The following CCDC102B variants were observed in gnomAD, a reference collection of about 807,000 sequenced individuals.
CCDC102B encodes the protein coiled-coil domain-containing protein 102B.
CCDC102B carries 75 observed loss-of-function variants against 57.4 expected under a neutral mutation model. That is an observed-to-expected ratio of 1.31 (90% confidence interval 1.08 to 1.58). The LOEUF is 1.58. CCDC102B is among the 40% of genes most tolerant of loss of function. The pLI is 0.00. For missense variants in CCDC102B, 636 were observed against 582.6 expected (o/e 1.09, Z -0.94); for synonymous variants, 206 against 201.9 (o/e 1.02, Z -0.17).
At chr18:68,867,820 G>C (rs910621879) in intron 4 of CCDC102B, among the ~76,000 whole-genome samples, 3 of 151,716 alleles carry the variant, frequency 2.0e-5, no homozygotes, top group African/African-American at 7.3e-5. Flanking sequence ...TGTAGTCCCA[G>C]CTACTCGACA....
rs1262341929 is a variant in CCDC102B, at chr18:68,782,976, G to T, written c.-66-40390G>T. On this transcript the variant is annotated intron_variant, in intron 2 of 3. Coordinates refer to the CCDC102B transcript ENST00000578970. Reference sequence around the variant, plus strand: ...TATTGTTACTATTGTTATTATACCTGCCATTTACATTTAATGAGTGTTTAC... The same window carrying T: ...TATTGTTACTATTGTTATTATACCTTCCATTTACATTTAATGAGTGTTTAC... Among the ~76,000 whole-genome samples, 3 of 152,044 alleles carry T rather than the reference G, an allele frequency of 2.0e-5. No homozygotes were observed. The East Asian group carries it at 5.8e-4, about 29-fold the overall frequency.
At chr18:68,863,286 T>C (rs944430143) in intron 4 of CCDC102B, among the ~76,000 whole-genome samples, 14 of 151,956 alleles carry the variant, frequency 9.2e-5, no homozygotes, top group Admixed American at 2.6e-4. Flanking sequence ...CAATGCCCTA[T>C]ACTGTAGTAT....
intron 1 of CCDC102B, among the ~76,000 whole-genome samples, chr18:68,807,457 C>A (rs2036075079): frequency 6.6e-6 from 1 of 151,922 alleles, no homozygotes; most frequent in South Asian, 2.1e-4. Flanking sequence ...TAAGATATGA[C>A]GTTACAGGAA....
At chr18:68,853,474 GA>G (rs950178854) in intron 4 of CCDC102B, among the ~76,000 whole-genome samples, 99 of 151,876 alleles carry the variant, frequency 6.5e-4, no homozygotes, top group African/African-American at 2.3e-3. Context: ...AAGTTGATTA[GA>G]GTATATAAAG....
chr18:68,847,639 G>GA (rs2037932850), intron 4 of CCDC102B, among the ~76,000 whole-genome samples: 1 of 151,708 alleles, frequency 6.6e-6, no homozygotes, highest in Non-Finnish European at 1.5e-5. Context: ...GTAAGTGAGA[G>GA]AAAAAATAAA....
At chr18:68,922,457 C>T (rs2041315185) in intron 6 of CCDC102B, among the ~76,000 whole-genome samples, 1 of 152,164 alleles carries the variant, frequency 6.6e-6, no homozygotes, top group Non-Finnish European at 1.5e-5. Flanking sequence ...GCCATGCATA[C>T]ATAACTGAAG....
intron 2 of CCDC102B, among the ~76,000 whole-genome samples, chr18:68,749,676 G>A (rs2033769655): frequency 6.6e-6 from 1 of 152,122 alleles, no homozygotes; most frequent in Admixed American, 6.5e-5. Context: ...GGGGTTTTGG[G>A]CTGAGACGAT....
intron 2 of CCDC102B, among the ~76,000 whole-genome samples, chr18:68,735,233 T>C (rs977858619): frequency 2.6e-5 from 4 of 151,870 alleles, no homozygotes. Flanking sequence ...TGTATTTTTT[T>C]TTTTTAGGAG....
chr18:68,840,773 A>C (rs1464337275), intron 3 of CCDC102B, among the ~76,000 whole-genome samples: 1 of 152,192 alleles, frequency 6.6e-6, no homozygotes, highest in Non-Finnish European at 1.5e-5. Context: ...TCTAGATGTA[A>C]ACTTCTATTC....
chr18:68,817,583 T>A (rs185057068), intron 1 of CCDC102B, among the ~76,000 whole-genome samples: 1 of 152,362 alleles, frequency 6.6e-6, no homozygotes. Flanking sequence ...TTATTGCTCA[T>A]TATTTTGAAG....
At chr18:68,885,044 A>G (rs1007919913) in intron 5 of CCDC102B, among the ~76,000 whole-genome samples, 1 of 152,024 alleles carries the variant, frequency 6.6e-6, no homozygotes, top group Non-Finnish European at 1.5e-5. Context: ...GTAGAAGTAG[A>G]TTAAAAGCCC....
chr18:68,772,245 T>TA (rs2034664368), intron 2 of CCDC102B, among the ~76,000 whole-genome samples: 1 of 152,154 alleles, frequency 6.6e-6, no homozygotes, highest in Admixed American at 6.5e-5. Flanking sequence ...ACTTTTTTTT[T>TA]ACTCAGTGAA....
intron 1 of CCDC102B, among the ~76,000 whole-genome samples, chr18:68,835,954 T>C (rs894333246): frequency 1.3e-5 from 2 of 152,162 alleles, no homozygotes; most frequent in African/African-American, 4.8e-5. Context: ...AGTCAACAGA[T>C]GAAGGGCATC....
chr18:68,822,431 A>G (rs905801434), intron 1 of CCDC102B, among the ~76,000 whole-genome samples: 4 of 152,252 alleles, frequency 2.6e-5, no homozygotes, highest in Non-Finnish European at 5.9e-5. Context: ...TTTTGTAGAA[A>G]CAAATAAATG....
In CCDC102B at chr18:68,717,564, A is replaced by T. The variant is rs138052620; in HGVS notation, c.-67+970A>T. Among the ~76,000 whole-genome samples the T allele has an allele frequency of 3.8e-3, 580 of 152,354 alleles. 4 individuals are homozygous for T. Among genetic ancestry groups the T allele is most frequent in the African/African-American group, 0.013 (544 of 41,594 alleles). ...AATGAGAAAATGATCAAAATAATGC[A>T]TTAATCTGAAAATGATTTAATAAAC... On this transcript the variant is annotated intron_variant, in intron 2 of 3. Coordinates refer to the CCDC102B transcript ENST00000578970.
At chr18:68,785,349 G>C (rs956645203) in intron 2 of CCDC102B, among the ~76,000 whole-genome samples, 2 of 152,104 alleles carry the variant, frequency 1.3e-5, no homozygotes, top group African/African-American at 2.4e-5. Context: ...ACCCAGTAAT[G>C]GGATGGCTAG....
chr18:68,846,535 T>C (rs144210460), intron 4 of CCDC102B, 114 bp downstream of exon 4: 2 of 561,608 alleles, frequency 3.6e-6, no homozygotes, highest in Non-Finnish European at 3.0e-6. Flanking sequence ...GGTTAAAAAT[T>C]GGAATTTCCT....
intron 2 of CCDC102B, among the ~76,000 whole-genome samples, chr18:68,730,076 TG>T (rs1256728999): frequency 6.6e-6 from 1 of 152,178 alleles, no homozygotes; most frequent in African/African-American, 2.4e-5. Flanking sequence ...TGTAGAACAA[TG>T]GGAATCCTTA....
chr18:69,027,203 T>C (rs934610562), intron 7 of CCDC102B, among the ~76,000 whole-genome samples: 1 of 152,196 alleles, frequency 6.6e-6, no homozygotes. Context: ...TTAAAAATCG[T>C]GTACCTTCAG....
Sources: allele counts gnomAD v4.1 joint callset (sites outside exome capture counted in the v4.1 genomes callset), GRCh38; gene constraint gnomAD v4.1.1; transcripts MANE v1.5; gene names NCBI Gene and HGNC (gene_info 2026-07-23, HGNC 2026-07-21).